BDH2: variants seen among roughly 807,000 people sequenced by gnomAD.
The protein encoded by BDH2 is 3-hydroxybutyrate dehydrogenase 2, also known as dehydrogenase/reductase SDR family member 6.
In BDH2, 24 loss-of-function variants were observed where a neutral mutation model predicts 33.2. That is an observed-to-expected ratio of 0.72 (90% confidence interval 0.52 to 1.02). The LOEUF is 1.02. Among genes scored for constraint, BDH2 ranks in the 50% least tolerant of loss-of-function variants. The pLI is 0.00. For synonymous variants in BDH2, 81 were observed against 101.6 expected, an observed-to-expected ratio of 0.80 and a Z score of 1.22; for missense variants, 249 against 301.6, an observed-to-expected ratio of 0.83 and a Z score of 1.29.
intron 1 of BDH2, among the ~76,000 whole-genome samples, chr4:103,097,358 C>T (rs933545761): frequency 1.1e-4 from 16 of 152,186 alleles, no homozygotes; most frequent in Non-Finnish European, 2.1e-4. Flanking sequence ...CACCGGGGCT[C>T]ATGTGCATGA....
At position 103,078,272 on chromosome 4, in the gene BDH2, T is replaced by C. The variant is rs1202163082; in HGVS notation, c.*1430A>G. Among the ~76,000 whole-genome samples the C allele has an allele frequency of 6.6e-6, 1 of 152,234 alleles. No homozygotes were observed. Among genetic ancestry groups the C allele is most frequent in the Non-Finnish European group, 1.5e-5 (1 of 68,026 alleles). On this transcript the variant is annotated 3_prime_UTR_variant, in exon 10 of 10. Transcript: ENST00000296424. ...AATTTACTTTTCTTGAAAAATTTAT[T>C]TTCTTTAATTTCGTTTGTTTCCTGT...
At chr4:103,092,505 AC>A (rs1413409270) in intron 4 of BDH2, 94 bp downstream of exon 4, 4 of 803,898 alleles carry the variant, frequency 5.0e-6, no homozygotes, top group Non-Finnish European at 8.3e-6. Context: ...GTCATGGTTC[AC>A]AATGAATGAT....
At chr4:103,098,487 G>A (rs1748511560) in intron 1 of BDH2, among the ~76,000 whole-genome samples, 2 of 152,134 alleles carry the variant, frequency 1.3e-5, no homozygotes, top group Non-Finnish European at 2.9e-5. Flanking sequence ...ACAATGAGGC[G>A]CAGCTGCTGC....
chr4:103,093,531 C>T lies in BDH2; in HGVS notation c.152-835G>A, dbSNP rs1266945800. Among the ~76,000 whole-genome samples, 5 of 149,738 alleles carry T rather than the reference C, an allele frequency of 3.3e-5. No individual in the cohort carries two copies. The Admixed American group carries it at 3.4e-4, about 10-fold the overall frequency. On this transcript the variant is annotated intron_variant, in intron 3 of 9. Coordinates refer to ENST00000296424, the MANE Select transcript of BDH2 (RefSeq NM_020139.4). ...CAGCAGTCATCATTATAAATATATACACATATTATTTATAATGTGCATAAT... is the reference window on the plus strand; with the variant it reads ...CAGCAGTCATCATTATAAATATATATACATATTATTTATAATGTGCATAAT...
chr4:103,090,115 GTTC>G (rs1303105727), intron 5 of BDH2, among the ~76,000 whole-genome samples: 1 of 152,160 alleles, frequency 6.6e-6, no homozygotes, highest in Non-Finnish European at 1.5e-5. Flanking sequence ...GGGAAAAGTT[GTTC>G]TTCTGCATTT....
chr4:103,093,649 TAATATATA>T, intron 3 of BDH2, among the ~76,000 whole-genome samples: 1 of 147,660 alleles, frequency 6.8e-6, no homozygotes, highest in Admixed American at 6.8e-5. Flanking sequence ...ATAATACATA[TAATATATA>T]GTAATATAAT....
intron 4 of BDH2, chr4:103,091,860 A>G: frequency 2.3e-6 from 1 of 430,178 alleles, no homozygotes; most frequent in Non-Finnish European, 4.6e-6. Context: ...GGGAAATCAA[A>G]ATTGCAAGGA....
intron 3 of BDH2, 55 bp from the exon 4 acceptor site, chr4:103,092,751 A>C: frequency 7.5e-7 from 1 of 1,333,498 alleles, no homozygotes; most frequent in Non-Finnish European, 1.1e-6. Context: ...TTGAAGGTTT[A>C]GCTGTTTTGA....
chr4:103,098,448 C>T (rs1222891435), intron 1 of BDH2, among the ~76,000 whole-genome samples: 2 of 152,154 alleles, frequency 1.3e-5, no homozygotes, highest in Non-Finnish European at 2.9e-5. Flanking sequence ...GCCTGTGCCT[C>T]GCAGACCGCT....
chr4:103,092,704 A>C lies in BDH2; in HGVS notation c.152-8T>G, dbSNP rs964248158. 6.3e-7 allele frequency: 1 copy of C among 1,586,378 alleles called. No homozygotes were observed. The highest frequency in any genetic ancestry group is 8.7e-7 in the Non-Finnish European group (1 of 1,155,278). On this transcript the variant is annotated splice_region_variant and splice_polypyrimidine_tract_variant and intron_variant, in intron 3 of 9. Transcript: ENST00000296424. ...GGACACGAGTTTGAATACCTGAAAA[A>C]TAAAACAAGAGGCACTATTCCTAAA...
At chr4:103,091,494 T>G (rs1748086553) in intron 4 of BDH2, 1 of 472,782 alleles carries the variant, frequency 2.1e-6, no homozygotes, top group Non-Finnish European at 3.9e-6. Flanking sequence ...ACAAGATCCT[T>G]GTTTTCCAAA....
intron 5 of BDH2, among the ~76,000 whole-genome samples, chr4:103,090,449 C>A (rs895917932): frequency 9.9e-5 from 15 of 152,110 alleles, no homozygotes; most frequent in Admixed American, 9.8e-4. Flanking sequence ...AAAACAAGAG[C>A]GAAGGGAGAA....
At chr4:103,097,330 A>G (rs1044120940) in intron 1 of BDH2, among the ~76,000 whole-genome samples, 1 of 152,226 alleles carries the variant, frequency 6.6e-6, no homozygotes, top group African/African-American at 2.4e-5. Context: ...TAATTTCTAA[A>G]TGATTGAGAA....
At chr4:103,099,649 C>A (rs1227189933) in intron 1 of BDH2, 134 bp downstream of exon 1, 1 of 152,160 alleles carries the variant, frequency 6.6e-6, no homozygotes, top group African/African-American at 2.4e-5. Flanking sequence ...TCTTTAAAAA[C>A]CCATCTTTAC....
intron 6 of BDH2, 136 bp downstream of exon 6, chr4:103,086,344 C>A: frequency 7.3e-7 from 1 of 1,360,940 alleles, no homozygotes; most frequent in Non-Finnish European, 9.5e-7. Flanking sequence ...GAACTTAATA[C>A]CAATTTTGAA....
At chr4:103,091,863 T>C in intron 4 of BDH2, 1 of 429,314 alleles carries the variant, frequency 2.3e-6, no homozygotes, top group South Asian at 1.7e-5. Context: ...AAATCAAAAT[T>C]GCAAGGAAAA....
intron 5 of BDH2, 25 bp downstream of exon 5, chr4:103,091,152 C>CTGG (rs761682620): frequency 1.2e-5 from 18 of 1,471,582 alleles, no homozygotes; most frequent in African/African-American, 5.6e-5. Flanking sequence ...GGTGCTTATC[C>CTGG]TGGTGGTGGT....
At chr4:103,088,255 AT>A (rs1265658790) in intron 5 of BDH2, among the ~76,000 whole-genome samples, 10 of 152,226 alleles carry the variant, frequency 6.6e-5, no homozygotes, top group Non-Finnish European at 1.3e-4. Flanking sequence ...TTCTTATCCA[AT>A]TTAGCAAATA....
chr4:103,079,711 C>G lies in BDH2; in HGVS notation c.729G>C (p.Trp243Cys), dbSNP rs1747415077. The G allele has an allele frequency of 6.2e-7, 1 of 1,613,910 alleles. No homozygotes were observed. Among genetic ancestry groups the G allele is most frequent in the Non-Finnish European group, 8.5e-7 (1 of 1,179,850 alleles). Residue 243 changes from tryptophan (W) to cysteine (C), a missense_variant, in exon 10 of 10, where the codon TGG (tryptophan) becomes TGC (cysteine). Coordinates refer to ENST00000296424, the MANE Select transcript of BDH2 (RefSeq NM_020139.4). The stretch of plus-strand genomic sequence containing the variant: ...CATGGAGATCCTAAAATCACAAGCT[C>G]CAGCCTCCATCAATGATGACAGGGT... ...TGNPVIIDGG[W>C]SL
Sources: gnomAD v4.1 joint callset for allele counts (sites outside exome capture counted in the v4.1 genomes callset) on GRCh38, gnomAD v4.1.1 for gene constraint, MANE v1.5 for transcripts, NCBI Gene and HGNC (gene_info 2026-07-23, HGNC 2026-07-21) for gene names.